Variants in AKAP14 observed in about 807,000 individuals in gnomAD.
The protein encoded by AKAP14 is A-kinase anchoring protein 14.
AKAP14 carries 4 observed loss-of-function variants against 17.0 expected under a neutral mutation model. That is an observed-to-expected ratio of 0.23 (90% CI 0.12 to 0.54). The LOEUF (loss-of-function observed/expected upper bound fraction) is 0.54, where lower values mean the gene tolerates loss of function less well. AKAP14 is among the 20% of genes least tolerant of loss of function. AKAP14 has a pLI of 0.95. For synonymous variants in AKAP14, 42 were observed against 51.3 expected (o/e 0.82, Z 0.77); for missense variants, 129 against 150.9 (o/e 0.85, Z 0.76).
rs147182471 is a variant in AKAP14, at chrX:119,910,533, G to A, written c.262-4166G>A. On this transcript the variant is annotated intron_variant, in intron 4 of 6. Transcript: ENST00000371431. Reference sequence around the variant, plus strand: ...CTAAGGCCCTGTGCCAGGAATCAGGGATGCATTTTGACTTCTGTGGGCCCT... The same window carrying A: ...CTAAGGCCCTGTGCCAGGAATCAGGAATGCATTTTGACTTCTGTGGGCCCT... Among the ~76,000 whole-genome samples, 239 of 111,916 alleles carry A rather than the reference G, an allele frequency of 2.1e-3. 1 individual carries two copies. The highest frequency in any genetic ancestry group is 7.4e-3 in the African/African-American group (230 of 30,928).
intron 3 of AKAP14, 24 bp from the exon 4 acceptor site, chrX:119,903,471 C>T (rs1235494149): frequency 3.3e-6 from 4 of 1,209,963 alleles, no homozygotes; most frequent in Non-Finnish European, 4.5e-6. Flanking sequence ...TGGCAACTAA[C>T]GAACTCACAC....
intron 4 of AKAP14, among the ~76,000 whole-genome samples, chrX:119,910,863 C>T (rs1320179909): frequency 4.6e-5 from 5 of 108,572 alleles, no homozygotes; most frequent in African/African-American, 6.6e-5. Flanking sequence ...GATTACTCCA[C>T]GTTGGTCAGG....
intron 4 of AKAP14, among the ~76,000 whole-genome samples, chrX:119,913,108 C>A (rs765796299): frequency 9.3e-5 from 9 of 96,386 alleles, no homozygotes; most frequent in African/African-American, 3.1e-4. Flanking sequence ...GACAACATAG[C>A]AAGACCTGGT....
chrX:119,899,508 G>A (rs932138281), intron 2 of AKAP14, among the ~76,000 whole-genome samples: 1 of 111,810 alleles, frequency 8.9e-6, no homozygotes, highest in African/African-American at 3.2e-5. Flanking sequence ...TGAGGGGAGA[G>A]AATGCTTACC....
At chrX:119,901,205 T>C (rs2056563606) in intron 2 of AKAP14, among the ~76,000 whole-genome samples, 1 of 112,101 alleles carries the variant, frequency 8.9e-6, no homozygotes, top group Non-Finnish European at 1.9e-5. Context: ...AATAGGAGGA[T>C]GCTCATTATT....
chrX:119,901,902 G>A (rs1376408015), intron 2 of AKAP14, among the ~76,000 whole-genome samples: 1 of 105,965 alleles, frequency 9.4e-6, no homozygotes, highest in Non-Finnish European at 1.9e-5. Flanking sequence ...CCAGCTACTC[G>A]GGAGGCTGAA....
rs1251829331 is a variant in AKAP14 at position 119,909,897 on chromosome X, A to G, written c.262-4802A>G. On this transcript the variant is annotated intron_variant, in intron 4 of 6. Coordinates refer to ENST00000371431, the MANE Select transcript of AKAP14 (RefSeq NM_178813.6). Reference sequence around the variant, plus strand: ...GGGACTCCGTCTCAAAAAAAAAAAAAGGAAGGAATAATGACTTTGGGAGGC... The same window carrying G: ...GGGACTCCGTCTCAAAAAAAAAAAAGGGAAGGAATAATGACTTTGGGAGGC... 2.0e-3 allele frequency among the ~76,000 whole-genome samples: 205 copies of G among 103,337 alleles called. 1 individual carries two copies. Among genetic ancestry groups the G allele is most frequent in the African/African-American group, 6.4e-3 (181 of 28,231 alleles). The allele number at this position is 103,337 out of a possible 115,157, so 89.7% of individuals were successfully genotyped here. A position where few individuals can be genotyped will look rare whatever the true frequency, so the allele number is the denominator to read the frequency against.
At position 119,920,661 on chromosome X, in the gene AKAP14, A is replaced by G. The variant is rs1298530494; in HGVS notation, c.*54A>G. 3.4e-6 allele frequency: 3 copies of G among 883,779 alleles called. No homozygotes were observed. Among genetic ancestry groups the G allele is most frequent in the Non-Finnish European group, 4.8e-6 (3 of 624,002 alleles). The allele number at this position is 883,779 out of a possible 1,213,427, so 72.8% of individuals were successfully genotyped here. A position where few individuals can be genotyped will look rare whatever the true frequency, so the allele number is the denominator to read the frequency against. The stretch of plus-strand genomic sequence containing the variant: ...TCTCATCAGGATACATTAAAAATAC[A>G]ATACAGCACGTCAAACCACAGAATA... On this transcript the variant is annotated 3_prime_UTR_variant, in exon 7 of 7. Transcript: ENST00000371431.
At chrX:119,910,479 G>C (rs1313002935) in intron 4 of AKAP14, among the ~76,000 whole-genome samples, 2 of 111,350 alleles carry the variant, frequency 1.8e-5, no homozygotes, top group Non-Finnish European at 3.8e-5. Context: ...AAGTTCAGTT[G>C]AATTGAATTT....
chrX:119,905,147 G>C (rs2056590559), intron 4 of AKAP14, among the ~76,000 whole-genome samples: 1 of 111,740 alleles, frequency 8.9e-6, no homozygotes, highest in Non-Finnish European at 1.9e-5. Context: ...CCTGGGAAAA[G>C]TTCCAGCTCT....
At chrX:119,896,657 A>G (rs1262874035) in intron 2 of AKAP14, among the ~76,000 whole-genome samples, 1 of 111,643 alleles carries the variant, frequency 9.0e-6, no homozygotes, top group Non-Finnish European at 1.9e-5. Flanking sequence ...AGTCTTAAGG[A>G]GGTCCTTCCA....
At chrX:119,915,142 C>T (rs1016333159) in intron 5 of AKAP14, among the ~76,000 whole-genome samples, 1 of 111,284 alleles carries the variant, frequency 9.0e-6, no homozygotes, top group African/African-American at 3.3e-5. Flanking sequence ...TGGTAGTTTC[C>T]CTGCCTCATA....
At chrX:119,906,225 C>CTT (rs10637499) in intron 4 of AKAP14, among the ~76,000 whole-genome samples, 2,312 of 50,860 alleles carry the variant, frequency 0.045, 539 homozygotes, top group African/African-American at 0.19. Context: ...CCTGGCATTT[C>CTT]TTTTTTTTTT....
At chrX:119,914,255 T>G (rs2056644614) in intron 4 of AKAP14, among the ~76,000 whole-genome samples, 1 of 102,766 alleles carries the variant, frequency 9.7e-6, no homozygotes, top group African/African-American at 3.4e-5. Flanking sequence ...AAAAAAAAAA[T>G]TAGGAGCGGA....
intron 6 of AKAP14, 149 bp downstream of exon 6, chrX:119,920,112 T>G: frequency 3.6e-6 from 2 of 551,196 alleles, no homozygotes; most frequent in Non-Finnish European, 5.6e-6. Context: ...GCTGAAACTG[T>G]TCTAGAAAAT....
chrX:119,909,629 G>A (rs962599245), intron 4 of AKAP14, among the ~76,000 whole-genome samples: 6 of 109,923 alleles, frequency 5.5e-5, no homozygotes, highest in East Asian at 5.7e-4. Context: ...GGGGCCAGGC[G>A]TGGTGGCTCG....
chrX:119,907,882 T>C (rs2056606692), intron 4 of AKAP14, among the ~76,000 whole-genome samples: 1 of 112,401 alleles, frequency 8.9e-6, no homozygotes, highest in Non-Finnish European at 1.9e-5. Flanking sequence ...CCAGGAAAAG[T>C]ACTTTTGGAT....
intron 2 of AKAP14, among the ~76,000 whole-genome samples, chrX:119,901,298 T>A (rs763546493): frequency 8.9e-6 from 1 of 112,183 alleles, no homozygotes; most frequent in African/African-American, 3.2e-5. Context: ...AAAAAGATGA[T>A]AAAAGTGACA....
chrX:119,898,137 TG>T (rs1338411162), intron 2 of AKAP14, among the ~76,000 whole-genome samples: 5 of 111,306 alleles, frequency 4.5e-5, no homozygotes, highest in African/African-American at 1.6e-4. Flanking sequence ...CACTCCAGCC[TG>T]GGTGACAGAG....
Sources: allele counts gnomAD v4.1 joint callset (sites outside exome capture counted in the v4.1 genomes callset), GRCh38; gene constraint gnomAD v4.1.1; transcripts MANE v1.5; gene names NCBI Gene and HGNC (gene_info 2026-07-23, HGNC 2026-07-21).